SEH1L: variants seen among roughly 807,000 people sequenced by gnomAD.
The protein encoded by SEH1L is SEH1 like nucleoporin.
SEH1L carries 18 observed loss-of-function variants against 49.5 expected under a neutral mutation model. The ratio of observed to expected loss-of-function variants is 0.36; its 90% CI spans 0.25 to 0.54. The LOEUF is 0.54. Among genes scored for constraint, SEH1L ranks in the 20% least tolerant of loss-of-function variants. The pLI, the probability that SEH1L is intolerant of heterozygous loss-of-function variation, is 0.87. For missense variants in SEH1L, 404 were observed against 528.8 expected, an observed-to-expected ratio of 0.76 and a Z score of 2.31; for synonymous variants, 169 against 178.1, an observed-to-expected ratio of 0.95 and a Z score of 0.41.
intron 5 of SEH1L, among the ~76,000 whole-genome samples, chr18:12,975,024 C>T (rs1598968863): frequency 6.6e-6 from 1 of 151,498 alleles, no homozygotes; most frequent in Non-Finnish European, 1.5e-5. Context: ...TGAAGTTTCA[C>T]TCTTGTTGCC....
intron 8 of SEH1L, 47 bp from the exon 9 acceptor site, chr18:12,986,815 C>A: frequency 8.7e-7 from 1 of 1,148,576 alleles, no homozygotes; most frequent in Non-Finnish European, 1.1e-6. Context: ...TTTTTTTTTC[C>A]TGTTTTTGTT....
chr18:12,987,243 T>G lies in SEH1L; in HGVS notation c.*186T>G. The G allele has an allele frequency of 2.2e-6, 1 of 447,460 alleles. No individual in the cohort carries two copies. Among genetic ancestry groups the G allele is most frequent in the Non-Finnish European group, 4.0e-6 (1 of 251,894 alleles). 27.7% of individuals were successfully genotyped at this position (447,460 alleles called of 1,614,324 possible). ...TGTGCGTCTGCATCAAAGGAACATTTGCTTCACTGGGTGATAACCTTTGAT... is the reference window on the plus strand; with the variant it reads ...TGTGCGTCTGCATCAAAGGAACATTGGCTTCACTGGGTGATAACCTTTGAT... On this transcript the variant is annotated 3_prime_UTR_variant, in exon 9 of 9. Transcript: ENST00000399892.
chr18:12,985,938 C>A (rs2032440176), intron 8 of SEH1L: 2 of 917,828 alleles, frequency 2.2e-6, no homozygotes, highest in African/African-American at 3.6e-5. Context: ...GATGGAAACA[C>A]TTTTTTTATA....
intron 1 of SEH1L, 184 bp downstream of exon 1, chr18:12,948,416 C>G (rs564163360): frequency 4.1e-6 from 2 of 482,940 alleles, no homozygotes; most frequent in African/African-American, 4.1e-5. Flanking sequence ...TCACGGCGGC[C>G]TCGCGGGCCG....
intron 6 of SEH1L, among the ~76,000 whole-genome samples, chr18:12,979,822 C>G (rs1163488005): frequency 1.4e-5 from 2 of 141,380 alleles, no homozygotes; most frequent in South Asian, 2.3e-4. Flanking sequence ...TAGGGGCGGC[C>G]GGGCAGAGGC....
chr18:12,967,571 G>A (rs2031505055), intron 4 of SEH1L, among the ~76,000 whole-genome samples: 1 of 152,226 alleles, frequency 6.6e-6, no homozygotes, highest in Non-Finnish European at 1.5e-5. Context: ...AACTGCATCA[G>A]GCAACTGGAT....
intron 6 of SEH1L, among the ~76,000 whole-genome samples, chr18:12,979,270 C>G (rs1377390186): frequency 9.3e-5 from 14 of 149,842 alleles, no homozygotes; most frequent in South Asian, 6.4e-4. Context: ...GGCGATGACT[C>G]TTAACGAGCA....
chr18:12,980,841 TCCGGACGGGGCGG>T (rs2032207820), intron 6 of SEH1L, among the ~76,000 whole-genome samples: 5 of 81,946 alleles, frequency 6.1e-5, no homozygotes, highest in African/African-American at 2.3e-4. Context: ...CCACTTCCCT[TCCGGACGGGGCGG>T]CTGGCCGGGC....
At chr18:12,948,432 C>T in intron 1 of SEH1L, 200 bp downstream of exon 1, 1 of 462,292 alleles carries the variant, frequency 2.2e-6, no homozygotes, top group Non-Finnish European at 3.8e-6. Context: ...GGCCGCCCTC[C>T]CGTGCGCCTG....
chr18:12,972,885 A>G (rs1235778210), intron 5 of SEH1L: 3 of 119,514 alleles, frequency 2.5e-5, no homozygotes, highest in South Asian at 6.2e-4. Context: ...CAGAATGAAT[A>G]TGTAGACATA....
intron 5 of SEH1L, chr18:12,977,939 C>G (rs2031993746): frequency 6.6e-6 from 1 of 152,372 alleles, no homozygotes; most frequent in South Asian, 2.1e-4. Context: ...AGCCATCCTC[C>G]CACCTCAGCC....
At chr18:12,970,527 C>T (rs57692810) in intron 4 of SEH1L, among the ~76,000 whole-genome samples, 9,337 of 152,272 alleles carry the variant, frequency 0.061, 390 homozygotes, top group East Asian at 0.17. Context: ...CGCAAGTGAT[C>T]CTCCTGCCTC....
At chr18:12,971,046 A>C in intron 4 of SEH1L, 107 bp from the exon 5 acceptor site, 2 of 732,146 alleles carry the variant, frequency 2.7e-6, no homozygotes, top group Non-Finnish European at 4.9e-6. Flanking sequence ...TAGTAGTGTG[A>C]CAGGCTAACT....
At chr18:12,952,926 C>T (rs1298178214) in intron 2 of SEH1L, among the ~76,000 whole-genome samples, 6 of 151,882 alleles carry the variant, frequency 4.0e-5, no homozygotes, top group African/African-American at 9.7e-5. Context: ...GGATTACAGG[C>T]GCATGCCACC....
chr18:12,956,101 G>A (rs2030839394), intron 3 of SEH1L, among the ~76,000 whole-genome samples: 1 of 149,950 alleles, frequency 6.7e-6, no homozygotes, highest in East Asian at 2.0e-4. Context: ...CTGGAGTGCA[G>A]TGGCACAATC....
At chr18:12,964,994 T>A (rs2031373632) in intron 4 of SEH1L, among the ~76,000 whole-genome samples, 1 of 149,126 alleles carries the variant, frequency 6.7e-6, no homozygotes, top group Non-Finnish European at 1.5e-5. Context: ...ACATTGCCCC[T>A]TCCATTTCCT....
chr18:12,967,258 T>G (rs2145634121), intron 4 of SEH1L, among the ~76,000 whole-genome samples: 1 of 152,358 alleles, frequency 6.6e-6, no homozygotes, highest in East Asian at 1.9e-4. Flanking sequence ...TTGTGTGTCT[T>G]TCTTTTTAAA....
At chr18:12,978,017 G>A (rs887295011) in intron 5 of SEH1L, 3 of 152,100 alleles carry the variant, frequency 2.0e-5, no homozygotes, top group Admixed American at 2.0e-4. Context: ...TTGTAAAGAT[G>A]GGGTCTTGCT....
chr18:12,977,240 T>C (rs1336388188), intron 5 of SEH1L: 2 of 152,150 alleles, frequency 1.3e-5, no homozygotes. Flanking sequence ...TGGGGAGATG[T>C]CTCCACCCAG....
Sources: allele counts gnomAD v4.1 joint callset (sites outside exome capture counted in the v4.1 genomes callset), GRCh38; gene constraint gnomAD v4.1.1; transcripts MANE v1.5; gene names NCBI Gene and HGNC (gene_info 2026-07-23, HGNC 2026-07-21).